Variants in USH2A observed in about 807,000 individuals in gnomAD.
USH2A encodes Usher syndrome 2A (autosomal recessive, mild).
Under a neutral mutation model 538.9 loss-of-function variants are expected in USH2A, and 443 were observed. The ratio of observed to expected loss-of-function variants is 0.82; its 90% CI spans 0.76 to 0.89. The LOEUF is 0.89. Among genes scored for constraint, USH2A ranks in the 40% least tolerant of loss-of-function variants. The pLI is 0.00. For missense variants in USH2A, 6,633 were observed against 6,324.8 expected (o/e 1.05, Z -1.65); for synonymous variants, 2,413 against 2,273.5 (o/e 1.06, Z -1.75).
intron 4 of USH2A, among the ~76,000 whole-genome samples, chr1:216,355,613 G>C (rs2038379509): frequency 6.6e-6 from 1 of 152,086 alleles, no homozygotes. Context: ...GAAAAGGGAG[G>C]TTCTTCGGAT....
At chr1:216,328,700 C>G (rs2037786519) in intron 4 of USH2A, among the ~76,000 whole-genome samples, 1 of 151,768 alleles carries the variant, frequency 6.6e-6, no homozygotes, top group Non-Finnish European at 1.5e-5. Context: ...ATAAATAAAA[C>G]ATGGAGAGGA....
In USH2A at chr1:216,242,095, A is replaced by G. The variant is rs181788319; in HGVS notation, c.2809+4490T>C. ...CAACTTGCATAACTACAATAATAAT[A>G]TAATTCCTCACTTTGGGAGGCCTAG... On this transcript the variant is annotated intron_variant, in intron 13 of 71. Transcript: ENST00000307340. Among the ~76,000 whole-genome samples the G allele has an allele frequency of 1.5e-3, 233 of 152,208 alleles. 1 individual carries two copies. Among genetic ancestry groups the G allele is most frequent in the East Asian group, 3.1e-3 (16 of 5,178 alleles).
At chr1:215,836,507 T>TATA in intron 47 of USH2A, among the ~76,000 whole-genome samples, 1 of 16,000 alleles carries the variant, frequency 6.3e-5, no homozygotes, top group African/African-American at 2.0e-4. Context: ...TAATATATAT[T>TATA]ATATATATAT....
Position 215,881,022 on chromosome 1 carries a change from C to A in USH2A, c.8224-1924G>T, listed in dbSNP as rs145567778. ...CTGGGAGGCTGAGGCAGGAGAGTTG[C>A]TTGAACCAGGGAGGCGGAGGCTGCA... is the stretch of plus-strand genomic sequence containing the variant. On this transcript the variant is annotated intron_variant, in intron 41 of 71. Transcript: ENST00000307340. Among the ~76,000 whole-genome samples the A allele has an allele frequency of 9.5e-3, 1,440 of 152,300 alleles. 65 individuals are homozygous for A. The East Asian group carries it at 0.14, about 15-fold the overall frequency.
chr1:215,888,380 GTACAT>G, intron 41 of USH2A, 41 bp downstream of exon 41: 1 of 1,609,426 alleles, frequency 6.2e-7, no homozygotes, highest in African/African-American at 1.3e-5. Flanking sequence ...TCAATCCAGG[GTACAT>G]TCCTAAGTCT....
intron 55 of USH2A, among the ~76,000 whole-genome samples, chr1:215,779,071 A>G (rs758385821): frequency 6.6e-6 from 1 of 152,200 alleles, no homozygotes; most frequent in Non-Finnish European, 1.5e-5. Context: ...CTTGGAGCCT[A>G]CATTCAAGTG....
chr1:216,172,975 G>A (rs2034300278), intron 21 of USH2A, among the ~76,000 whole-genome samples: 2 of 152,100 alleles, frequency 1.3e-5, no homozygotes, highest in Admixed American at 1.3e-4. Context: ...TTTCCACCCT[G>A]AAATTCAATA....
intron 30 of USH2A, among the ~76,000 whole-genome samples, chr1:216,058,009 A>G (rs2031038386): frequency 6.6e-6 from 1 of 152,198 alleles, no homozygotes; most frequent in Non-Finnish European, 1.5e-5. Context: ...TGGAGGAACA[A>G]CTTCTAAAAT....
chr1:216,365,928 G>A (rs2102709841), intron 3 of USH2A, among the ~76,000 whole-genome samples: 1 of 152,230 alleles, frequency 6.6e-6, no homozygotes, highest in Non-Finnish European at 1.5e-5. Context: ...TGATTAAAAA[G>A]CTATGGGATT....
At chr1:216,099,928 C>T (rs1185133328) in intron 21 of USH2A, among the ~76,000 whole-genome samples, 1 of 151,954 alleles carries the variant, frequency 6.6e-6, no homozygotes, top group Non-Finnish European at 1.5e-5. Flanking sequence ...AATACATTGG[C>T]AATCACCTAT....
At chr1:216,055,099 C>T (rs555673782) in intron 30 of USH2A, among the ~76,000 whole-genome samples, 1 of 152,116 alleles carries the variant, frequency 6.6e-6, no homozygotes, top group Non-Finnish European at 1.5e-5. Flanking sequence ...TTATATTCTA[C>T]TGCATCTAAA....
At chr1:216,009,613 G>A (rs73092683) in intron 32 of USH2A, among the ~76,000 whole-genome samples, 2,262 of 151,952 alleles carry the variant, frequency 0.015, 49 homozygotes, top group African/African-American at 0.052. Context: ...AACCCCAAGC[G>A]TCCAAGCGTG....
chr1:215,781,928 C>T (rs1558095242), intron 54 of USH2A, 114 bp downstream of exon 54: 1 of 1,434,514 alleles, frequency 7.0e-7, no homozygotes, highest in Admixed American at 1.7e-5. Context: ...CTACTTAACA[C>T]CACTTTGAGG....
At chr1:216,309,583 T>C (rs2037383784) in intron 9 of USH2A, among the ~76,000 whole-genome samples, 1 of 152,184 alleles carries the variant, frequency 6.6e-6, no homozygotes, top group Non-Finnish European at 1.5e-5. Context: ...TAATACGTTG[T>C]TGAAAAGGAG....
intron 21 of USH2A, chr1:216,174,726 A>G (rs2034341462): frequency 2.0e-6 from 2 of 993,330 alleles, no homozygotes; most frequent in African/African-American, 1.7e-5. Context: ...ATAGAACATG[A>G]GATATTAAGT....
At chr1:216,193,375 A>C (rs1184524044) in intron 19 of USH2A, among the ~76,000 whole-genome samples, 1 of 152,128 alleles carries the variant, frequency 6.6e-6, no homozygotes, top group African/African-American at 2.4e-5. Context: ...ATTAATGAAA[A>C]ATAAGTAATC....
chr1:215,679,049 G>A (rs139368774), intron 62 of USH2A, among the ~76,000 whole-genome samples: 3 of 151,892 alleles, frequency 2.0e-5, no homozygotes, highest in South Asian at 2.2e-4. Flanking sequence ...CTTGCCCCAG[G>A]GGGGAGAAGT....
rs370621609 is a variant in USH2A, at chr1:216,213,888, C to T, written c.3157+3499G>A. Among the ~76,000 whole-genome samples, 29 of 152,042 alleles carry T rather than the reference C, an allele frequency of 1.9e-4. 1 individual carries two copies. The highest frequency in any genetic ancestry group is 1.2e-3 in the East Asian group (6 of 5,178). ...AGTAAGAGGACTAACAACTAAAACA[C>T]GGGCAAAATATTTCAAAGATACTTT... On this transcript the variant is annotated intron_variant, in intron 15 of 71. Coordinates refer to ENST00000307340, the MANE Select transcript of USH2A (RefSeq NM_206933.4).
chr1:215,687,060 C>A (rs1346917089), intron 61 of USH2A, among the ~76,000 whole-genome samples: 1 of 152,030 alleles, frequency 6.6e-6, no homozygotes, highest in African/African-American at 2.4e-5. Flanking sequence ...ACACCCTTGT[C>A]CCAGCCCCTT....
Sources: gnomAD v4.1 joint callset for allele counts (sites outside exome capture counted in the v4.1 genomes callset) on GRCh38, gnomAD v4.1.1 for gene constraint, MANE v1.5 for transcripts, NCBI Gene and HGNC (gene_info 2026-07-23, HGNC 2026-07-21) for gene names.